The following NTM variants were observed in gnomAD, a reference collection of about 807,000 sequenced individuals.
The protein encoded by NTM is IgLON family member 2.
NTM carries 13 observed loss-of-function variants against 42.1 expected under a neutral mutation model. The observed-to-expected ratio is 0.31, with a 90% confidence interval of 0.20 to 0.49. The LOEUF (loss-of-function observed/expected upper bound fraction) is 0.49, where lower values mean the gene tolerates loss of function less well. Among genes scored for constraint, NTM ranks in the 20% least tolerant of loss-of-function variants. The pLI, the probability that NTM is intolerant of heterozygous loss-of-function variation, is 0.99. For missense variants in NTM, 373 were observed against 452.8 expected (o/e 0.82, Z 1.60); for synonymous variants, 187 against 179.2 (o/e 1.04, Z -0.35).
At chr11:131,551,510 C>A (rs564073186) in intron 1 of NTM, among the ~76,000 whole-genome samples, 11 of 151,956 alleles carry the variant, frequency 7.2e-5, no homozygotes, top group African/African-American at 2.7e-4. Context: ...CACAGAGACT[C>A]CAGGAAGCCT....
intron 2 of NTM, among the ~76,000 whole-genome samples, chr11:131,954,936 A>C (rs1210671386): frequency 6.6e-6 from 1 of 152,242 alleles, no homozygotes; most frequent in African/African-American, 2.4e-5. Flanking sequence ...TAAATGGACC[A>C]TCATTTAAGT....
chr11:132,126,434 C>T (rs993353405), intron 2 of NTM, among the ~76,000 whole-genome samples: 1 of 152,032 alleles, frequency 6.6e-6, no homozygotes, highest in Non-Finnish European at 1.5e-5. Flanking sequence ...GGGGGCTGAG[C>T]TGTTTGTGTT....
intron 1 of NTM, among the ~76,000 whole-genome samples, chr11:131,620,268 C>G (rs1012251539): frequency 5.3e-5 from 8 of 152,178 alleles, no homozygotes; most frequent in Non-Finnish European, 8.8e-5. Flanking sequence ...CAAGGGTCTC[C>G]TCATGTCTAC....
chr11:131,994,811 C>T (rs1465455971), intron 2 of NTM, among the ~76,000 whole-genome samples: 4 of 152,100 alleles, frequency 2.6e-5, no homozygotes, highest in African/African-American at 9.7e-5. Context: ...TCACACATAC[C>T]TCATATTAAC....
At chr11:131,430,331 G>T (rs1289801190) in intron 1 of NTM, among the ~76,000 whole-genome samples, 1 of 152,172 alleles carries the variant, frequency 6.6e-6, no homozygotes, top group Non-Finnish European at 1.5e-5. Flanking sequence ...CCAGGGATGG[G>T]GGTGGAGCTA....
At chr11:131,711,317 G>A (rs543958707) in intron 1 of NTM, among the ~76,000 whole-genome samples, 46 of 152,160 alleles carry the variant, frequency 3.0e-4, no homozygotes, top group Admixed American at 1.2e-3. Flanking sequence ...AAAAGTGGGC[G>A]AAGTACATGA....
chr11:131,998,173 T>C (rs930681260), intron 2 of NTM, among the ~76,000 whole-genome samples: 9 of 152,160 alleles, frequency 5.9e-5, no homozygotes, highest in South Asian at 2.1e-4. Flanking sequence ...ACAGGAGTCA[T>C]AAAAGCCTCC....
At chr11:131,544,937 T>G (rs1033576202) in intron 1 of NTM, among the ~76,000 whole-genome samples, 1 of 152,164 alleles carries the variant, frequency 6.6e-6, no homozygotes, top group Non-Finnish European at 1.5e-5. Context: ...GCTTGATCAT[T>G]TTCGGAAGGA....
chr11:132,292,397 C>T (rs1387059333), intron 4 of NTM, among the ~76,000 whole-genome samples: 1 of 152,136 alleles, frequency 6.6e-6, no homozygotes, highest in East Asian at 1.9e-4. Context: ...TCTCTATTCT[C>T]CCTCCTCCGG....
chr11:132,312,113 G>A (rs2095298770), intron 6 of NTM, among the ~76,000 whole-genome samples: 1 of 152,072 alleles, frequency 6.6e-6, no homozygotes, highest in South Asian at 2.1e-4. Context: ...TTTCCTCCTG[G>A]CACCCAGCTC....
chr11:131,487,725 C>A (rs73572304), intron 1 of NTM, among the ~76,000 whole-genome samples: 1 of 152,072 alleles, frequency 6.6e-6, no homozygotes, highest in South Asian at 2.1e-4. Context: ...TCTTGCTACC[C>A]CTAGGCTTAA....
intron 1 of NTM, among the ~76,000 whole-genome samples, chr11:131,439,887 G>A (rs1316896099): frequency 6.6e-6 from 1 of 150,444 alleles, no homozygotes; most frequent in Admixed American, 6.6e-5. Context: ...CCCATCTTCT[G>A]CATTGATTAC....
At chr11:131,563,960 C>A (rs577912752) in intron 1 of NTM, among the ~76,000 whole-genome samples, 39 of 152,252 alleles carry the variant, frequency 2.6e-4, no homozygotes, top group Non-Finnish European at 4.1e-4. Flanking sequence ...CAAAGAGAGA[C>A]CTGACTCTGC....
chr11:131,466,505 C>T (rs1350898432), intron 1 of NTM, among the ~76,000 whole-genome samples: 1 of 152,184 alleles, frequency 6.6e-6, no homozygotes, highest in Admixed American at 6.5e-5. Context: ...CTAAGGTCAG[C>T]TCTTGGAACT....
At chr11:132,294,269 G>A (rs1310142195) in intron 4 of NTM, among the ~76,000 whole-genome samples, 5 of 151,788 alleles carry the variant, frequency 3.3e-5, no homozygotes, top group Admixed American at 3.3e-4. Flanking sequence ...GTGCTCTCTG[G>A]CTCTCTCACA....
At chr11:131,457,333 G>C (rs1950981689) in intron 1 of NTM, among the ~76,000 whole-genome samples, 1 of 152,132 alleles carries the variant, frequency 6.6e-6, no homozygotes, top group Admixed American at 6.6e-5. Flanking sequence ...TGGCCAGAAA[G>C]GAGGCCCCCT....
chr11:131,505,995 T>C (rs571304669), intron 1 of NTM, among the ~76,000 whole-genome samples: 3 of 152,280 alleles, frequency 2.0e-5, no homozygotes, highest in East Asian at 3.9e-4. Flanking sequence ...TTGACAATCA[T>C]ACCCATAAGA....
intron 2 of NTM, among the ~76,000 whole-genome samples, chr11:131,950,248 G>A (rs2060826183): frequency 6.6e-6 from 1 of 152,176 alleles, no homozygotes; most frequent in Admixed American, 6.5e-5. Flanking sequence ...GTCCCAGAAG[G>A]ATGCTCCTGA....
At chr11:132,334,852 G>A (rs1248942204) in intron 8 of NTM, 194 bp from the exon 9 acceptor site, 11 of 458,830 alleles carry the variant, frequency 2.4e-5, no homozygotes, top group East Asian at 1.5e-4. Context: ...AAGGCTTCCC[G>A]TTATCTAGTG....
Sources: allele counts gnomAD v4.1 joint callset (sites outside exome capture counted in the v4.1 genomes callset), GRCh38; gene constraint gnomAD v4.1.1; transcripts MANE v1.5; gene names NCBI Gene and HGNC (gene_info 2026-07-23, HGNC 2026-07-21).